SPATA17: variants seen among roughly 807,000 people sequenced by gnomAD.
SPATA17 encodes the protein spermatogenesis-associated protein 17.
A neutral mutation model predicts 62.2 loss-of-function variants in SPATA17; 53 were observed. The ratio of observed to expected loss-of-function variants is 0.85; its 90% CI spans 0.68 to 1.07. SPATA17 has a LOEUF of 1.07. Among genes scored for constraint, SPATA17 ranks in the 50% least tolerant of loss-of-function variants. SPATA17 has a pLI of 0.00. For missense variants in SPATA17, 466 were observed against 425.5 expected, an observed-to-expected ratio of 1.10 and a Z score of -0.84; for synonymous variants, 146 against 146.8, an observed-to-expected ratio of 0.99 and a Z score of 0.04.
chr1:217,867,608 A>C lies in SPATA17; in HGVS notation c.*589A>C, dbSNP rs1335766050. 6.6e-6 allele frequency: 1 copy of C among 152,202 alleles called. No individual in the cohort carries two copies. The highest frequency in any genetic ancestry group is 2.4e-5 in the African/African-American group (1 of 41,446). 9.4% of individuals were successfully genotyped at this position (152,202 alleles called of 1,614,324 possible). The stretch of plus-strand genomic sequence containing the variant: ...AGTCTCTGCTGCCAAGGGAGCAAAG[A>C]GATAATCTCGATGCCAGGGCTGTGT... On this transcript the variant is annotated 3_prime_UTR_variant, in exon 11 of 11. Transcript: ENST00000366933.
chr1:217,867,119 G>GT lies in SPATA17; in HGVS notation c.*100_*101insT. The stretch of plus-strand genomic sequence containing the variant: ...ATCCTGTAGGAAATATACTTGCTAT[G>GT]ATTCAATAAACTATAAAATTTTGTA... On this transcript the variant is annotated 3_prime_UTR_variant, in exon 11 of 11. Coordinates refer to ENST00000366933, the MANE Select transcript of SPATA17 (RefSeq NM_138796.4). 6.6e-6 allele frequency: 1 copy of GT among 152,122 alleles called. No homozygotes were observed. The highest frequency in any genetic ancestry group is 2.4e-5 in the African/African-American group (1 of 41,432). The allele number at this position is 152,122 out of a possible 1,614,324, so 9.4% of individuals were successfully genotyped here. A position where few individuals can be genotyped will look rare whatever the true frequency, so the allele number is the denominator to read the frequency against.
intron 2 of SPATA17, 130 bp from the exon 3 acceptor site, chr1:217,650,967 A>T (rs910517304): frequency 1.6e-6 from 1 of 639,396 alleles, no homozygotes; most frequent in Non-Finnish European, 2.7e-6. Flanking sequence ...ATAACTTTCT[A>T]CTGTTTAAAA....
intron 5 of SPATA17, among the ~76,000 whole-genome samples, chr1:217,719,175 G>T (rs976152549): frequency 6.6e-6 from 1 of 152,204 alleles, no homozygotes; most frequent in Admixed American, 6.5e-5. Context: ...CTCATATGTG[G>T]TCATGGAAGA....
At chr1:217,682,758 T>A (rs1558564034) in intron 4 of SPATA17, among the ~76,000 whole-genome samples, 1 of 151,974 alleles carries the variant, frequency 6.6e-6, no homozygotes, top group Non-Finnish European at 1.5e-5. Context: ...GTTAGCTATT[T>A]TTGTTATTGT....
intron 5 of SPATA17, among the ~76,000 whole-genome samples, chr1:217,698,796 A>G (rs915777853): frequency 1.3e-5 from 2 of 152,288 alleles, no homozygotes; most frequent in South Asian, 4.2e-4. Flanking sequence ...CACAGCCAAC[A>G]CACAGAACAG....
rs189149500 is a variant in SPATA17 at position 217,815,693 on chromosome 1, G to A, written c.1005+13843G>A. On this transcript the variant is annotated intron_variant, in intron 9 of 10. Transcript: ENST00000366933. ...GCAGATTATCCTCCATAATGTGGGT[G>A]GGTCTCATTCAATAAGTTAGTGGTT... is the stretch of plus-strand genomic sequence containing the variant. Among the ~76,000 whole-genome samples the A allele has an allele frequency of 7.2e-5, 11 of 152,254 alleles. No individual in the cohort carries two copies. The East Asian group carries it at 1.9e-3, about 27-fold the overall frequency.
Position 217,870,131 on chromosome 1 carries a change from A to G in SPATA17, c.*3112A>G, listed in dbSNP as rs576124084. 5 of 152,136 alleles carry G rather than the reference A, an allele frequency of 3.3e-5. No individual in the cohort carries two copies. The highest frequency in any genetic ancestry group is 1.2e-4 in the African/African-American group (5 of 41,446). The allele number at this position is 152,136 out of a possible 1,614,324, so 9.4% of individuals were successfully genotyped here. On this transcript the variant is annotated 3_prime_UTR_variant, in exon 11 of 11. Coordinates refer to ENST00000366933, the MANE Select transcript of SPATA17 (RefSeq NM_138796.4). Reference sequence around the variant, plus strand: ...GGATTGTGAAGCCATTTCCTCCCACATGTTCGTAAAAATGGTAGCCATGGC... The same window carrying G: ...GGATTGTGAAGCCATTTCCTCCCACGTGTTCGTAAAAATGGTAGCCATGGC...
In SPATA17 at chr1:217,653,307, T is replaced by C. The variant is rs185838272; in HGVS notation, c.240+2129T>C. On this transcript the variant is annotated intron_variant, in intron 3 of 10. Coordinates refer to ENST00000366933, the MANE Select transcript of SPATA17 (RefSeq NM_138796.4). The stretch of plus-strand genomic sequence containing the variant: ...ACAGATGTCTTTAAATCTGTACTTA[T>C]AATAAATAGGAAAGAAAATTGAAGA... Among the ~76,000 whole-genome samples the C allele has an allele frequency of 4.5e-4, 68 of 152,248 alleles. 1 individual carries two copies. The highest frequency in any genetic ancestry group is 1.6e-3 in the African/African-American group (65 of 41,538).
intron 8 of SPATA17, among the ~76,000 whole-genome samples, chr1:217,793,510 G>A (rs553823257): frequency 4.6e-5 from 7 of 152,176 alleles, no homozygotes; most frequent in East Asian, 3.9e-4. Context: ...GTGCGCCACC[G>A]TGCCCGGCAG....
rs1216459930 is a variant in SPATA17 at position 217,869,792 on chromosome 1, T to C, written c.*2773T>C. ...CACATCCTATAATGGCCTGAACTAGTTTTTCAGGTTAACTTTGGAATACCC... is the reference window on the plus strand; with the variant it reads ...CACATCCTATAATGGCCTGAACTAGCTTTTCAGGTTAACTTTGGAATACCC... On this transcript the variant is annotated 3_prime_UTR_variant, in exon 11 of 11. Transcript: ENST00000366933. The C allele has an allele frequency of 2.0e-5, 3 of 150,674 alleles. No homozygotes were observed. Among genetic ancestry groups the C allele is most frequent in the Non-Finnish European group, 4.4e-5 (3 of 67,656 alleles). The allele number at this position is 150,674 out of a possible 1,614,324, so 9.3% of individuals were successfully genotyped here.
intron 5 of SPATA17, among the ~76,000 whole-genome samples, chr1:217,739,978 A>G (rs998634891): frequency 1.4e-4 from 22 of 151,902 alleles, no homozygotes; most frequent in Non-Finnish European, 2.1e-4. Flanking sequence ...CTTTTCCATT[A>G]TCTCGCAGTT....
intron 4 of SPATA17, among the ~76,000 whole-genome samples, chr1:217,677,938 G>T (rs1184532156): frequency 1.3e-5 from 2 of 152,030 alleles, no homozygotes; most frequent in Non-Finnish European, 2.9e-5. Context: ...AAATATAAAT[G>T]GTTGTGACGT....
chr1:217,802,256 A>G (rs1188608747), intron 9 of SPATA17, among the ~76,000 whole-genome samples: 2 of 152,214 alleles, frequency 1.3e-5, no homozygotes, highest in African/African-American at 4.8e-5. Flanking sequence ...GAAGACAAGC[A>G]TTATATAAAA....
At chr1:217,770,984 T>TTTTTTTTC (rs1673428455) in intron 6 of SPATA17, among the ~76,000 whole-genome samples, 5 of 107,938 alleles carry the variant, frequency 4.6e-5, no homozygotes, top group African/African-American at 1.7e-4. Flanking sequence ...TTGCATTTTT[T>TTTTTTTTC]TTTTTTTTTT....
intron 6 of SPATA17, among the ~76,000 whole-genome samples, chr1:217,745,992 T>C (rs1672739810): frequency 6.6e-6 from 1 of 152,116 alleles, no homozygotes; most frequent in South Asian, 2.1e-4. Context: ...ACAGCATGTC[T>C]TGGCTATTGG....
chr1:217,866,960 A>G (rs574103925), intron 10 of SPATA17, 62 bp from the exon 11 acceptor site: 1 of 151,752 alleles, frequency 6.6e-6, no homozygotes, highest in South Asian at 2.1e-4. Context: ...GGAGTCCTGG[A>G]TTCTTCCACG....
chr1:217,698,580 A>G (rs374465698), intron 5 of SPATA17, among the ~76,000 whole-genome samples: 1 of 20,926 alleles, frequency 4.8e-5, no homozygotes, highest in African/African-American at 2.0e-4. Flanking sequence ...ATGCAGTTAT[A>G]AAAAAAAAAA....
At chr1:217,740,698 C>A (rs1172807464) in intron 5 of SPATA17, among the ~76,000 whole-genome samples, 1 of 152,172 alleles carries the variant, frequency 6.6e-6, no homozygotes, top group Non-Finnish European at 1.5e-5. Context: ...CCAACACAAT[C>A]TAAATGTGCA....
At chr1:217,718,571 G>A (rs1049335073) in intron 5 of SPATA17, among the ~76,000 whole-genome samples, 5 of 152,140 alleles carry the variant, frequency 3.3e-5, no homozygotes, top group African/African-American at 1.2e-4. Flanking sequence ...CTCTACCAGG[G>A]AAGATGCTGT....
Sources: allele counts gnomAD v4.1 joint callset (sites outside exome capture counted in the v4.1 genomes callset), GRCh38; gene constraint gnomAD v4.1.1; transcripts MANE v1.5; gene names NCBI Gene and HGNC (gene_info 2026-07-23, HGNC 2026-07-21).